HNF4G: variants seen among roughly 807,000 people sequenced by gnomAD.
HNF4G encodes hepatocyte nuclear factor 4 gamma, also known as hepatocyte nuclear factor 4-gamma.
Under a neutral mutation model 50.9 loss-of-function variants are expected in HNF4G, and 21 were observed. The observed-to-expected ratio is 0.41, with a 90% CI of 0.29 to 0.59. The LOEUF (loss-of-function observed/expected upper bound fraction) is 0.59, where lower values mean the gene tolerates loss of function less well. Among genes scored for constraint, HNF4G ranks in the 20% least tolerant of loss-of-function variants. HNF4G has a pLI of 0.26. For synonymous variants in HNF4G, 198 were observed against 185.6 expected, an observed-to-expected ratio of 1.07 and a Z score of -0.54; for missense variants, 527 against 559.4, an observed-to-expected ratio of 0.94 and a Z score of 0.58.
chr8:75,466,463 T>A (rs999844675), intron 1 of HNF4G, among the ~76,000 whole-genome samples: 1 of 152,030 alleles, frequency 6.6e-6, no homozygotes, highest in South Asian at 2.1e-4. Context: ...TTGCTTGACT[T>A]GCTGACCTTT....
At chr8:75,496,920 G>A (rs530967018) in intron 2 of HNF4G, among the ~76,000 whole-genome samples, 1 of 152,220 alleles carries the variant, frequency 6.6e-6, no homozygotes, top group Admixed American at 6.5e-5. Flanking sequence ...ATGAAGAGCA[G>A]CAGTGTCTAC....
At chr8:75,523,195 A>C (rs965326040) in intron 2 of HNF4G, among the ~76,000 whole-genome samples, 8 of 152,146 alleles carry the variant, frequency 5.3e-5, no homozygotes, top group African/African-American at 1.9e-4. Context: ...ACTGCACTCC[A>C]GCCTGGCAAC....
chr8:75,415,280 C>G (rs57489724), intron 1 of HNF4G, among the ~76,000 whole-genome samples: 1 of 151,586 alleles, frequency 6.6e-6, no homozygotes. Flanking sequence ...GATATCAGTC[C>G]TTTTCAAGAT....
chr8:75,521,052 CTTAA>C (rs1260098018), intron 2 of HNF4G, among the ~76,000 whole-genome samples: 3 of 151,906 alleles, frequency 2.0e-5, no homozygotes, highest in Non-Finnish European at 2.9e-5. Flanking sequence ...TTGCCCAATT[CTTAA>C]TTAAAGTATT....
At chr8:75,546,108 A>C (rs556089757) in intron 2 of HNF4G, among the ~76,000 whole-genome samples, 70 of 152,300 alleles carry the variant, frequency 4.6e-4, no homozygotes, top group African/African-American at 1.7e-3. Context: ...CTTTATTCTT[A>C]TCATTAATCA....
chr8:75,408,456 C>T (rs1459504455), intron 1 of HNF4G, among the ~76,000 whole-genome samples: 1 of 152,066 alleles, frequency 6.6e-6, no homozygotes, highest in African/African-American at 2.4e-5. Flanking sequence ...AGCATCACCC[C>T]ATGCATGGCC....
intron 1 of HNF4G, among the ~76,000 whole-genome samples, chr8:75,422,400 T>C (rs887529853): frequency 2.0e-5 from 3 of 152,158 alleles, no homozygotes; most frequent in Admixed American, 6.5e-5. Flanking sequence ...TCAGCTACTG[T>C]TTCATGTTGG....
At chr8:75,459,249 G>A (rs1299820295) in intron 1 of HNF4G, among the ~76,000 whole-genome samples, 1 of 152,154 alleles carries the variant, frequency 6.6e-6, no homozygotes, top group East Asian at 1.9e-4. Flanking sequence ...ATGTATCTCA[G>A]CAGTATATGA....
At chr8:75,560,543 A>T (rs1807280770) in intron 9 of HNF4G, 77 bp downstream of exon 9, 2 of 1,450,404 alleles carry the variant, frequency 1.4e-6, no homozygotes, top group African/African-American at 2.9e-5. Flanking sequence ...GAAAGAATCT[A>T]TTAGTAACCA....
chr8:75,535,318 G>T (rs1286902544), upstream of HNF4G, among the ~76,000 whole-genome samples: 1 of 150,966 alleles, frequency 6.6e-6, no homozygotes, highest in African/African-American at 2.4e-5. Flanking sequence ...GAGGAAGAAT[G>T]GTTAGATTAG....
chr8:75,500,092 C>A (rs1022732198), intron 2 of HNF4G, among the ~76,000 whole-genome samples: 4 of 151,992 alleles, frequency 2.6e-5, no homozygotes, highest in Non-Finnish European at 4.4e-5. Context: ...GACAATTCAT[C>A]GAATGGGAGA....
At chr8:75,422,655 A>G (rs1810799938) in intron 1 of HNF4G, among the ~76,000 whole-genome samples, 1 of 147,770 alleles carries the variant, frequency 6.8e-6, no homozygotes, top group Non-Finnish European at 1.5e-5. Flanking sequence ...TTTTTTTGAG[A>G]CGGAGTCTCA....
chr8:75,481,451 A>G (rs1191270895), intron 1 of HNF4G, among the ~76,000 whole-genome samples: 1 of 152,032 alleles, frequency 6.6e-6, no homozygotes, highest in Non-Finnish European at 1.5e-5. Context: ...ATCAGCCAGG[A>G]AAAAACTTTC....
intron 1 of HNF4G, among the ~76,000 whole-genome samples, chr8:75,421,113 G>A (rs1019514383): frequency 3.3e-5 from 5 of 152,126 alleles, no homozygotes. Context: ...TCATTTCAAT[G>A]TATAGCCAAT....
At chr8:75,476,065 A>C (rs969258664) in intron 1 of HNF4G, among the ~76,000 whole-genome samples, 9 of 152,158 alleles carry the variant, frequency 5.9e-5, no homozygotes, top group African/African-American at 1.9e-4. Context: ...TATTGCACCC[A>C]AAAGACCATT....
At chr8:75,412,363 T>A (rs1810520778) in intron 1 of HNF4G, among the ~76,000 whole-genome samples, 1 of 152,246 alleles carries the variant, frequency 6.6e-6, no homozygotes, top group Non-Finnish European at 1.5e-5. Flanking sequence ...TAAATAGCTA[T>A]GAAATGAGAA....
At chr8:75,500,591 A>T (rs1327843508) in intron 2 of HNF4G, among the ~76,000 whole-genome samples, 1 of 152,194 alleles carries the variant, frequency 6.6e-6, no homozygotes, top group Non-Finnish European at 1.5e-5. Context: ...TTGTTCATAA[A>T]AACTGAATAG....
chr8:75,518,883 G>A lies in HNF4G; in HGVS notation c.-23-24928G>A, dbSNP rs1021019448. Among the ~76,000 whole-genome samples, 8 of 152,030 alleles carry A rather than the reference G, an allele frequency of 5.3e-5. No individual in the cohort carries two copies. The East Asian group carries it at 7.7e-4, about 15-fold the overall frequency. The stretch of plus-strand genomic sequence containing the variant: ...ATTACTCATGCAAATTTCTGCAGCC[G>A]GCTTGAATTTCTCCTCAGAAAATGG... On this transcript the variant is annotated intron_variant, in intron 2 of 10. Coordinates refer to the HNF4G transcript ENST00000354370.
At chr8:75,517,555 A>G (rs2130738485) in intron 2 of HNF4G, among the ~76,000 whole-genome samples, 1 of 152,310 alleles carries the variant, frequency 6.6e-6, no homozygotes, top group African/African-American at 2.4e-5. Context: ...TTCAAAATTC[A>G]ATGGGGCAGT....
Sources: allele counts gnomAD v4.1 joint callset (sites outside exome capture counted in the v4.1 genomes callset), GRCh38; gene constraint gnomAD v4.1.1; transcripts MANE v1.5; gene names NCBI Gene and HGNC (gene_info 2026-07-23, HGNC 2026-07-21).